RGS6: variants seen among roughly 807,000 people sequenced by gnomAD.
RGS6 encodes the protein regulator of G-protein signaling 6.
Under a neutral mutation model 78.5 loss-of-function variants are expected in RGS6, and 30 were observed. The observed-to-expected ratio is 0.38, with a 90% CI of 0.29 to 0.52. The LOEUF is 0.52. Ranked by LOEUF, RGS6 falls within the 20% of genes least tolerant of loss-of-function variation. RGS6 has a pLI of 0.85. For synonymous variants in RGS6, 206 were observed against 206.0 expected (o/e 1.00, Z 0.00); for missense variants, 495 against 609.7 (o/e 0.81, Z 1.98).
At chr14:72,446,321 A>G (rs1166519704) in intron 3 of RGS6, among the ~76,000 whole-genome samples, 1 of 152,224 alleles carries the variant, frequency 6.6e-6, no homozygotes, top group Non-Finnish European at 1.5e-5. Flanking sequence ...ATAGCAAACT[A>G]ATATAGAAGA....
At chr14:72,573,423 G>A in the RGS6 span, among the ~76,000 whole-genome samples, 1 of 152,104 alleles carries the variant, frequency 6.6e-6, no homozygotes, top group Non-Finnish European at 1.5e-5. Context: ...AGAGTCCCAG[G>A]CCCCACATCT....
At chr14:72,506,983 C>CAAAA (rs1182798306) in intron 13 of RGS6, among the ~76,000 whole-genome samples, 1 of 21,024 alleles carries the variant, frequency 4.8e-5, no homozygotes, top group Non-Finnish European at 9.9e-5. Context: ...CCTGTCTCTA[C>CAAAA]TAAAAAAAAA....
chr14:72,609,266 G>A, the RGS6 span, among the ~76,000 whole-genome samples: 1 of 152,146 alleles, frequency 6.6e-6, no homozygotes, highest in African/African-American at 2.4e-5. Context: ...ATCAGCGACA[G>A]GTCTCCCTCC....
At chr14:71,967,814 G>A (rs17105032) in intron 2 of RGS6, among the ~76,000 whole-genome samples, 1 of 152,032 alleles carries the variant, frequency 6.6e-6, no homozygotes, top group African/African-American at 2.4e-5. Flanking sequence ...CCATAATGTT[G>A]TTGTGACTTT....
At chr14:72,098,694 A>G (rs1264167129) in intron 2 of RGS6, among the ~76,000 whole-genome samples, 2 of 152,188 alleles carry the variant, frequency 1.3e-5, no homozygotes, top group Non-Finnish European at 2.9e-5. Flanking sequence ...TTGAGTCCCA[A>G]TTACCAAAAA....
intron 17 of RGS6, among the ~76,000 whole-genome samples, chr14:72,559,825 A>C (rs991986802): frequency 7.2e-5 from 11 of 152,012 alleles, no homozygotes; most frequent in Non-Finnish European, 1.3e-4. Flanking sequence ...AATAATTAGC[A>C]CCTTCAAGCC....
At chr14:71,920,851 A>G in the RGS6 span, among the ~76,000 whole-genome samples, 2 of 152,262 alleles carry the variant, frequency 1.3e-5, no homozygotes, top group South Asian at 4.1e-4. Context: ...GCAAAAATAG[A>G]CAAATGGGAT....
the RGS6 span, chr14:72,619,924 G>A: frequency 1.3e-6 from 2 of 1,534,272 alleles, no homozygotes; most frequent in East Asian, 2.4e-5. Context: ...TCAGCCACCG[G>A]GGGATTTAAA....
intron 17 of RGS6, chr14:72,540,356 A>T: frequency 6.9e-7 from 1 of 1,456,290 alleles, no homozygotes; most frequent in Non-Finnish European, 9.0e-7. Context: ...GCATTTGATC[A>T]TCTGTTCAGG....
At chr14:72,398,098 A>G (rs534287520) in intron 3 of RGS6, among the ~76,000 whole-genome samples, 12 of 152,128 alleles carry the variant, frequency 7.9e-5, no homozygotes, top group Admixed American at 3.3e-4. Context: ...CTCTTTTTCT[A>G]TTGATTGGAA....
chr14:72,352,017 T>C, intron 2 of RGS6, 78 bp from the exon 3 acceptor site: 2 of 1,016,688 alleles, frequency 2.0e-6, no homozygotes, highest in Non-Finnish European at 2.9e-6. Context: ...TGTTTATACA[T>C]TTGGGCTGTT....
At position 71,964,785 on chromosome 14, in the gene RGS6, ACT is replaced by A. The variant is rs1451104531; in HGVS notation, c.-5_-4del. 1 of 1,611,836 alleles carries A rather than the reference ACT, an allele frequency of 6.2e-7. No individual in the cohort carries two copies. Among genetic ancestry groups the A allele is most frequent in the Non-Finnish European group, 8.5e-7 (1 of 1,179,004 alleles). On this transcript the variant is annotated 5_prime_UTR_variant, in exon 2 of 18. Coordinates refer to ENST00000553525, the MANE Select transcript of RGS6 (RefSeq NM_001204424.2). ...TTATTTTTGCAGTGTGAGTGAAGAC[ACT>A]CAGGATGGCTCAAGGATCCGGGGAT...
intron 2 of RGS6, among the ~76,000 whole-genome samples, chr14:72,285,550 G>A (rs2062381023): frequency 6.6e-6 from 1 of 152,094 alleles, no homozygotes; most frequent in African/African-American, 2.4e-5. Context: ...TCTTGTGTAT[G>A]TCTTTATCAG....
intron 3 of RGS6, among the ~76,000 whole-genome samples, chr14:72,449,279 C>T (rs2095437556): frequency 6.6e-6 from 1 of 152,236 alleles, no homozygotes; most frequent in Non-Finnish European, 1.5e-5. Context: ...TGAATTGCTT[C>T]ATTTATCAGT....
chr14:72,329,630 T>C (rs886089910), intron 2 of RGS6, among the ~76,000 whole-genome samples: 3 of 152,254 alleles, frequency 2.0e-5, no homozygotes, highest in Non-Finnish European at 4.4e-5. Context: ...AGAAGAACTC[T>C]GGAATTATGG....
chr14:72,482,197 T>C (rs950968767), intron 12 of RGS6, among the ~76,000 whole-genome samples: 8 of 152,206 alleles, frequency 5.3e-5, no homozygotes, highest in Admixed American at 4.6e-4. Flanking sequence ...TTTCAGTTAA[T>C]TTTGCTAGAT....
chr14:72,130,398 C>A (rs61994828), intron 2 of RGS6, among the ~76,000 whole-genome samples: 25,253 of 152,126 alleles, frequency 0.17, 2,776 homozygotes, highest in Non-Finnish European at 0.24. Context: ...CAGTCCCTGT[C>A]ATTTCCCCAG....
intron 2 of RGS6, among the ~76,000 whole-genome samples, chr14:72,203,353 G>T (rs189968496): frequency 2.7e-4 from 41 of 152,294 alleles, no homozygotes; most frequent in Admixed American, 2.3e-3. Context: ...TCCCATCTTT[G>T]CCAGTTAATA....
At chr14:72,235,765 A>G (rs551731835) in intron 2 of RGS6, among the ~76,000 whole-genome samples, 2 of 152,360 alleles carry the variant, frequency 1.3e-5, no homozygotes, top group East Asian at 3.9e-4. Flanking sequence ...TATTCTGCAT[A>G]TTTTGTTTGG....
Sources: allele counts gnomAD v4.1 joint callset (sites outside exome capture counted in the v4.1 genomes callset), GRCh38; gene constraint gnomAD v4.1.1; transcripts MANE v1.5; gene names NCBI Gene and HGNC (gene_info 2026-07-23, HGNC 2026-07-21).